SPTBN1: variants seen among roughly 807,000 people sequenced by gnomAD.
SPTBN1 encodes spectrin beta chain, non-erythrocytic 1.
Under a neutral mutation model 266.4 loss-of-function variants are expected in SPTBN1, and 32 were observed. That is an observed-to-expected ratio of 0.12 (90% CI 0.09 to 0.16). SPTBN1 has a LOEUF of 0.16. Ranked by LOEUF, SPTBN1 falls within the 10% of genes least tolerant of loss-of-function variation. The pLI is 1.00. For synonymous variants in SPTBN1, 1,336 were observed against 1,162.2 expected (o/e 1.15, Z -3.04); for missense variants, 2,296 against 3,067.1 (o/e 0.75, Z 5.94).
At chr2:54,642,533 T>TTG (rs1679644270) in intron 18 of SPTBN1, among the ~76,000 whole-genome samples, 1 of 70,610 alleles carries the variant, frequency 1.4e-5, no homozygotes, top group African/African-American at 4.6e-5. Context: ...TAAGTAGTTT[T>TTG]TTTTTTTTTT....
At chr2:54,565,557 GTGTAGGCTCTAAGGA>G in intron 2 of SPTBN1, among the ~76,000 whole-genome samples, 1 of 152,302 alleles carries the variant, frequency 6.6e-6, no homozygotes, top group South Asian at 2.1e-4. Flanking sequence ...CTAATAGTGT[GTGTAGGCTCTAAGGA>G]TAGTTCAGCA....
At chr2:54,486,844 G>A (rs1438257641) in intron 1 of SPTBN1, among the ~76,000 whole-genome samples, 1 of 152,162 alleles carries the variant, frequency 6.6e-6, no homozygotes, top group Non-Finnish European at 1.5e-5. Context: ...GACACAGGAG[G>A]AGGCCAGGTG....
At chr2:54,500,325 C>G (rs1351650838) in intron 1 of SPTBN1, among the ~76,000 whole-genome samples, 1 of 152,110 alleles carries the variant, frequency 6.6e-6, no homozygotes, top group Non-Finnish European at 1.5e-5. Context: ...GCTGAAGACT[C>G]AGTGGGCCTC....
intron 1 of SPTBN1, among the ~76,000 whole-genome samples, chr2:54,509,928 T>C (rs1292446534): frequency 1.3e-5 from 2 of 150,298 alleles, no homozygotes; most frequent in Non-Finnish European, 3.0e-5. Flanking sequence ...AGGGGAACCA[T>C]AGTGTCTCTT....
At chr2:54,552,195 A>T (rs1421918172) in intron 2 of SPTBN1, among the ~76,000 whole-genome samples, 1 of 152,218 alleles carries the variant, frequency 6.6e-6, no homozygotes, top group Non-Finnish European at 1.5e-5. Context: ...TCCTTGGTGA[A>T]GTAAGAGATG....
intron 2 of SPTBN1, among the ~76,000 whole-genome samples, chr2:54,577,389 A>G (rs1018074547): frequency 6.6e-6 from 1 of 152,196 alleles, no homozygotes; most frequent in Admixed American, 6.5e-5. Flanking sequence ...TTGGCTTCTC[A>G]TGCTTTGAGC....
chr2:54,622,216 G>T, intron 8 of SPTBN1, 84 bp from the exon 9 acceptor site: 14 of 1,377,514 alleles, frequency 1.0e-5, no homozygotes, highest in Non-Finnish European at 1.3e-5. Context: ...GTCGTTTTGT[G>T]TGCATGCACT....
intron 1 of SPTBN1, among the ~76,000 whole-genome samples, chr2:54,481,867 A>G (rs991684090): frequency 1.3e-5 from 2 of 152,216 alleles, no homozygotes; most frequent in Admixed American, 6.5e-5. Context: ...TTATTTGTAT[A>G]TAAAGATTGA....
chr2:54,519,316 T>C (rs1015273628), intron 1 of SPTBN1, among the ~76,000 whole-genome samples: 8 of 152,090 alleles, frequency 5.3e-5, no homozygotes, highest in African/African-American at 1.9e-4. Context: ...AATAGAAGGT[T>C]TGTAATTATG....
At chr2:54,637,852 T>C (rs930401868) in intron 18 of SPTBN1, 49 bp downstream of exon 18, 1 of 1,454,724 alleles carries the variant, frequency 6.9e-7, no homozygotes, top group Non-Finnish European at 9.6e-7. Context: ...TAATAGCAAT[T>C]GCCAGCCAGC....
At position 54,459,292 on chromosome 2, in the gene SPTBN1, C is replaced by G. The variant is rs114631249; in HGVS notation, c.-48+2774C>G. On this transcript the variant is annotated intron_variant, in intron 1 of 35. Transcript: ENST00000356805. ...AGTTGAGGTTTTCTGTGAAGAACTTCTCTTGGGCAAGACTAGTAACAACTA... is the reference window on the plus strand; with the variant it reads ...AGTTGAGGTTTTCTGTGAAGAACTTGTCTTGGGCAAGACTAGTAACAACTA... Among the ~76,000 whole-genome samples, 257 of 152,324 alleles carry G rather than the reference C, an allele frequency of 1.7e-3. 3 individuals are homozygous for G. The highest frequency in any genetic ancestry group is 5.9e-3 in the African/African-American group (246 of 41,582).
intron 1 of SPTBN1, among the ~76,000 whole-genome samples, chr2:54,519,702 A>G (rs1248126037): frequency 6.6e-6 from 1 of 152,148 alleles, no homozygotes; most frequent in African/African-American, 2.4e-5. Context: ...TTAGGGGGAT[A>G]AAATAACTGG....
intron 2 of SPTBN1, among the ~76,000 whole-genome samples, chr2:54,569,279 G>A (rs1249024523): frequency 6.6e-6 from 1 of 152,110 alleles, no homozygotes; most frequent in Non-Finnish European, 1.5e-5. Flanking sequence ...TACTGGAGAG[G>A]GGACTGGGGG....
intron 1 of SPTBN1, among the ~76,000 whole-genome samples, chr2:54,477,016 G>GTTT (rs11380293): frequency 6.7e-6 from 1 of 149,716 alleles, no homozygotes. Flanking sequence ...AACACACCGA[G>GTTT]TTTTTTTTTT....
At chr2:54,625,028 G>A (rs1678234183) in intron 11 of SPTBN1, 66 bp downstream of exon 11, 2 of 1,506,488 alleles carry the variant, frequency 1.3e-6, no homozygotes, top group Non-Finnish European at 1.8e-6. Flanking sequence ...ACCATCCCCA[G>A]GGGCATAGGG....
At chr2:54,589,575 T>A (rs1009349304) in intron 2 of SPTBN1, among the ~76,000 whole-genome samples, 1 of 152,232 alleles carries the variant, frequency 6.6e-6, no homozygotes, top group Non-Finnish European at 1.5e-5. Flanking sequence ...AATATTTACA[T>A]GTGTTTTGTC....
rs1301962928 is a variant in SPTBN1, at chr2:54,653,598, T to C, written c.5578-11T>C. 1 of 1,612,726 alleles carries C rather than the reference T, an allele frequency of 6.2e-7. No individual in the cohort carries two copies. The highest frequency in any genetic ancestry group is 1.1e-5 in the South Asian group (1 of 91,006). ...GGGCTGACCTGGCTCATCCCCTACA[T>C]GGCTTCACAGGTGAGGCAGCTGCAG... is the stretch of plus-strand genomic sequence containing the variant. On this transcript the variant is annotated splice_polypyrimidine_tract_variant and intron_variant, in intron 26 of 35. Coordinates refer to ENST00000356805, the MANE Select transcript of SPTBN1 (RefSeq NM_003128.3). The surrounding 1 kb of genome is among the most constrained non-coding windows in gnomAD (Gnocchi z 5.1).
intron 1 of SPTBN1, among the ~76,000 whole-genome samples, chr2:54,462,007 C>G (rs1433819493): frequency 6.6e-6 from 1 of 152,216 alleles, no homozygotes; most frequent in Non-Finnish European, 1.5e-5. Flanking sequence ...GTTTTGGAGT[C>G]AAACAGGTTG....
chr2:54,522,686 A>AGGGG (rs1394665795), intron 1 of SPTBN1, among the ~76,000 whole-genome samples: 1 of 142,020 alleles, frequency 7.0e-6, no homozygotes, highest in African/African-American at 2.6e-5. Flanking sequence ...GAGGAGAGAG[A>AGGGG]GAGAGAGAGA....
Sources: allele counts gnomAD v4.1 joint callset (sites outside exome capture counted in the v4.1 genomes callset), GRCh38; gene constraint gnomAD v4.1.1; non-coding constraint Gnocchi (gnomAD v3.1); transcripts MANE v1.5; gene names NCBI Gene and HGNC (gene_info 2026-07-23, HGNC 2026-07-21).